JADE3: variants seen among roughly 807,000 people sequenced by gnomAD.
The protein encoded by JADE3 is protein Jade-3.
JADE3 carries 2 observed loss-of-function variants against 50.1 expected under a neutral mutation model. The ratio of observed to expected loss-of-function variants is 0.04; its 90% confidence interval spans 0.02 to 0.13. The LOEUF (loss-of-function observed/expected upper bound fraction) is 0.13, where lower values mean the gene tolerates loss of function less well. Among genes scored for constraint, JADE3 ranks in the 10% least tolerant of loss-of-function variants. The pLI is 1.00. For missense variants in JADE3, 475 were observed against 634.4 expected, an observed-to-expected ratio of 0.75 and a Z score of 2.70; for synonymous variants, 218 against 232.9, an observed-to-expected ratio of 0.94 and a Z score of 0.58.
In JADE3 at chrX:46,912,702, C is replaced by T. The variant is rs1173840534; in HGVS notation, c.-29C>T. The T allele has an allele frequency of 1.8e-5, 2 of 111,790 alleles. No individual in the cohort carries two copies. Among genetic ancestry groups the T allele is most frequent in the Non-Finnish European group, 3.8e-5 (2 of 52,735 alleles). The allele number at this position is 111,790 out of a possible 1,213,427, so 9.2% of individuals were successfully genotyped here. On this transcript the variant is annotated 5_prime_UTR_variant, in exon 1 of 11. Transcript: ENST00000614628. ...GCGGCGTGGAGCCGGGCAGGAGCCG[C>T]GAGCCAGCTGCGCGAAGGTAGGCGC...
intron 8 of JADE3, among the ~76,000 whole-genome samples, chrX:47,040,166 C>T (rs1337145212): frequency 1.8e-5 from 2 of 111,953 alleles, no homozygotes; most frequent in Non-Finnish European, 3.8e-5. Flanking sequence ...ACCTCTCAGA[C>T]CTCCTACATG....
intron 4 of JADE3, among the ~76,000 whole-genome samples, chrX:47,009,094 G>A (rs868917075): frequency 1.2e-4 from 13 of 110,731 alleles, no homozygotes; most frequent in African/African-American, 3.9e-4. Context: ...AAGCCAAGGC[G>A]GGAGGATTAC....
At chrX:47,007,807 T>TGTG (rs1569537171) in intron 4 of JADE3, among the ~76,000 whole-genome samples, 765 of 70,790 alleles carry the variant, frequency 0.011, 16 homozygotes, top group African/African-American at 0.045. Flanking sequence ...TCCTTTTATT[T>TGTG]TGTGTGTGTG....
intron 6 of JADE3, among the ~76,000 whole-genome samples, chrX:47,029,860 C>T (rs1471409803): frequency 9.0e-6 from 1 of 111,638 alleles, no homozygotes; most frequent in Non-Finnish European, 1.9e-5. Flanking sequence ...CTCTGCAATT[C>T]CAAAATTATA....
intron 4 of JADE3, among the ~76,000 whole-genome samples, chrX:47,010,836 C>A (rs1339287270): frequency 9.1e-6 from 1 of 109,985 alleles, no homozygotes; most frequent in African/African-American, 3.3e-5. Context: ...CTTTCTCTCT[C>A]AAAAAAAAAT....
chrX:46,958,406 A>G (rs1434528403), intron 1 of JADE3, among the ~76,000 whole-genome samples: 1 of 111,768 alleles, frequency 8.9e-6, no homozygotes, highest in Non-Finnish European at 1.9e-5. Flanking sequence ...ATAACCCTAA[A>G]TTCATCTATG....
intron 3 of JADE3, among the ~76,000 whole-genome samples, chrX:46,993,474 G>C: frequency 8.9e-6 from 1 of 111,849 alleles, no homozygotes. Flanking sequence ...GTTATTTCTT[G>C]TGCTGAAATT....
At chrX:46,989,950 C>T (rs1157610637) in intron 3 of JADE3, among the ~76,000 whole-genome samples, 1 of 109,456 alleles carries the variant, frequency 9.1e-6, no homozygotes, top group African/African-American at 3.3e-5. Context: ...GTTCCATCTT[C>T]TGTTTGTTAA....
chrX:46,962,186 G>T, intron 1 of JADE3, among the ~76,000 whole-genome samples: 1 of 111,442 alleles, frequency 9.0e-6, no homozygotes, highest in East Asian at 2.8e-4. Context: ...CATATGCAGG[G>T]GTAGGAATCC....
intron 6 of JADE3, 136 bp from the exon 7 acceptor site, chrX:47,033,485 A>T: frequency 2.2e-6 from 1 of 462,308 alleles, no homozygotes; most frequent in East Asian, 3.7e-5. Context: ...ATCACTCGAT[A>T]CTGGATATAA....
At chrX:46,990,535 G>C (rs782445440) in intron 3 of JADE3, among the ~76,000 whole-genome samples, 1 of 111,287 alleles carries the variant, frequency 9.0e-6, no homozygotes, top group East Asian at 2.8e-4. Context: ...ATCAGTGATG[G>C]TGACAGCCCA....
rs1285041925 is a variant in JADE3, at chrX:46,988,222, T to G, written c.126+2430T>G. Among the ~76,000 whole-genome samples the G allele has an allele frequency of 4.5e-5, 5 of 111,816 alleles. No individual in the cohort carries two copies. In the Admixed American group the frequency reaches 4.8e-4, roughly 11 times the overall value. ...CCAAGAAAAGTGCCTGGGATCTGGA[T>G]TTTAAAAAGTGACTCAGGTGATTTT... On this transcript the variant is annotated intron_variant, in intron 3 of 10. Coordinates refer to ENST00000614628, the MANE Select transcript of JADE3 (RefSeq NM_014735.5).
chrX:46,947,911 G>A (rs1466389184), intron 1 of JADE3, among the ~76,000 whole-genome samples: 1 of 110,721 alleles, frequency 9.0e-6, no homozygotes, highest in Non-Finnish European at 1.9e-5. Flanking sequence ...TATACAACCT[G>A]TTACTCTGGG....
At chrX:47,046,447 A>G (rs1205525614) in intron 8 of JADE3, among the ~76,000 whole-genome samples, 2 of 112,199 alleles carry the variant, frequency 1.8e-5, no homozygotes, top group Non-Finnish European at 3.8e-5. Flanking sequence ...ATTTTACAAA[A>G]CATTTAAAGA....
intron 4 of JADE3, among the ~76,000 whole-genome samples, chrX:47,020,117 G>C: frequency 1.8e-5 from 2 of 111,435 alleles, no homozygotes; most frequent in South Asian, 7.6e-4. Context: ...GATCACCTGA[G>C]GTCAGGAGTT....
chrX:46,949,244 T>G (rs2147115219), intron 1 of JADE3, among the ~76,000 whole-genome samples: 1 of 112,135 alleles, frequency 8.9e-6, no homozygotes, highest in East Asian at 2.8e-4. Flanking sequence ...CAGCCAAATC[T>G]ACTCTACTAG....
chrX:46,975,560 A>G (rs1160763957), intron 1 of JADE3, among the ~76,000 whole-genome samples: 5 of 110,788 alleles, frequency 4.5e-5, no homozygotes, highest in Non-Finnish European at 7.6e-5. Context: ...CCATGTTTAA[A>G]TGACTGGATG....
chrX:47,016,522 C>G (rs1928681125), intron 4 of JADE3, among the ~76,000 whole-genome samples: 2 of 111,441 alleles, frequency 1.8e-5, no homozygotes, highest in African/African-American at 3.3e-5. Context: ...AAAGCCTAGG[C>G]TCAGAAACTG....
At chrX:46,979,121 C>T (rs922874089) in intron 1 of JADE3, among the ~76,000 whole-genome samples, 1 of 111,737 alleles carries the variant, frequency 8.9e-6, no homozygotes, top group East Asian at 2.8e-4. Flanking sequence ...TGGTGTAACT[C>T]GTATTAGATA....
Sources: gnomAD v4.1 joint callset for allele counts (sites outside exome capture counted in the v4.1 genomes callset) on GRCh38, gnomAD v4.1.1 for gene constraint, MANE v1.5 for transcripts, NCBI Gene and HGNC (gene_info 2026-07-23, HGNC 2026-07-21) for gene names.